The following DHX32 variants were observed in gnomAD, a reference collection of about 807,000 sequenced individuals.
DHX32 encodes DEAH-box helicase 32 (putative).
In DHX32, 51 loss-of-function variants were observed where a neutral mutation model predicts 70.0. The ratio of observed to expected loss-of-function variants is 0.73; its 90% CI spans 0.58 to 0.92. The LOEUF (loss-of-function observed/expected upper bound fraction) is 0.92, where lower values mean the gene tolerates loss of function less well. Among genes scored for constraint, DHX32 ranks in the 40% least tolerant of loss-of-function variants. The pLI is 0.00. For synonymous variants in DHX32, 310 were observed against 315.3 expected, an observed-to-expected ratio of 0.98 and a Z score of 0.18; for missense variants, 762 against 891.8, an observed-to-expected ratio of 0.85 and a Z score of 1.85.
chr10:125,859,045 GT>G (rs71029270), intron 3 of DHX32, among the ~76,000 whole-genome samples: 17,448 of 141,420 alleles, frequency 0.12, 1,230 homozygotes, highest in Admixed American at 0.26. Context: ...TTGTTTGTTT[GT>G]TTTTTTTTTT....
At chr10:125,855,115 A>C (rs1453623909) in intron 3 of DHX32, among the ~76,000 whole-genome samples, 1 of 151,688 alleles carries the variant, frequency 6.6e-6, no homozygotes, top group African/African-American at 2.4e-5. Context: ...CCAGCTACTC[A>C]CAAGGCTGAG....
intron 1 of DHX32, among the ~76,000 whole-genome samples, chr10:125,891,646 T>C: frequency 6.6e-6 from 1 of 152,428 alleles, no homozygotes; most frequent in East Asian, 1.9e-4. Context: ...AAGTAATGGG[T>C]AGTCATTTTA....
chr10:125,836,629 G>T lies in DHX32; in HGVS notation c.*58C>A. 1 of 1,579,638 alleles carries T rather than the reference G, an allele frequency of 6.3e-7. No homozygotes were observed. The highest frequency in any genetic ancestry group is 8.6e-7 in the Non-Finnish European group (1 of 1,159,706). On this transcript the variant is annotated 3_prime_UTR_variant, in exon 11 of 11. Transcript: ENST00000284690. ...TCGCGTCATGTATCTCCCATATCCA[G>T]CAGTTCAGCCATCCAGCTACCTTTG...
At chr10:125,842,569 A>G (rs1035099644) in intron 6 of DHX32, 3 of 152,382 alleles carry the variant, frequency 2.0e-5, no homozygotes, top group African/African-American at 7.2e-5. Context: ...ACCTGAAAGG[A>G]TCACACTGCA....
intron 1 of DHX32, among the ~76,000 whole-genome samples, chr10:125,871,478 A>G (rs957473970): frequency 6.6e-6 from 1 of 152,256 alleles, no homozygotes; most frequent in Non-Finnish European, 1.5e-5. Context: ...CTGACCACAT[A>G]GGATGCAGCT....
intron 1 of DHX32, among the ~76,000 whole-genome samples, chr10:125,893,001 C>T (rs974878535): frequency 3.9e-5 from 6 of 152,196 alleles, no homozygotes; most frequent in Admixed American, 1.3e-4. Flanking sequence ...AAAAGCAACA[C>T]AGAAGAAGCG....
rs913371928 is a variant in DHX32 at position 125,859,598 on chromosome 10, C to T, written c.849+5G>A. ...TACTGTAAGGTTAGAGTATCACTTACTTACTTGTTCACAGGCCAGAAAGAC... is the reference window on the plus strand; with the variant it reads ...TACTGTAAGGTTAGAGTATCACTTATTTACTTGTTCACAGGCCAGAAAGAC... On this transcript the variant is annotated splice_donor_5th_base_variant and intron_variant, in intron 3 of 10. Transcript: ENST00000284690. The T allele has an allele frequency of 6.4e-7, 1 of 1,561,724 alleles. No individual in the cohort carries two copies. Among genetic ancestry groups the T allele is most frequent in the Non-Finnish European group, 8.6e-7 (1 of 1,157,646 alleles).
chr10:125,841,182 T>C (rs1181304594), intron 7 of DHX32, 186 bp from the exon 8 acceptor site: 2 of 1,431,710 alleles, frequency 1.4e-6, no homozygotes, highest in East Asian at 4.8e-5. Context: ...ATTCTCCCTC[T>C]CCTTTTGTGT....
At chr10:125,853,717 C>A in intron 4 of DHX32, 1 of 450,510 alleles carries the variant, frequency 2.2e-6, no homozygotes. Flanking sequence ...TTGAGTCTTC[C>A]CTCAAAACTT....
chr10:125,891,858 C>T (rs1440596199), intron 1 of DHX32, among the ~76,000 whole-genome samples: 1 of 152,130 alleles, frequency 6.6e-6, no homozygotes, highest in Non-Finnish European at 1.5e-5. Flanking sequence ...TCAGCCCCTC[C>T]CCACAAGGTA....
intron 6 of DHX32, among the ~76,000 whole-genome samples, chr10:125,845,014 C>T (rs980331540): frequency 9.2e-5 from 14 of 152,182 alleles, no homozygotes; most frequent in Admixed American, 2.6e-4. Flanking sequence ...CAATATGTGC[C>T]TGCATTTTCC....
At chr10:125,878,492 GCTTT>G (rs1207772317) in intron 1 of DHX32, among the ~76,000 whole-genome samples, 3 of 152,034 alleles carry the variant, frequency 2.0e-5, no homozygotes, top group African/African-American at 7.2e-5. Flanking sequence ...AAATTTAAAT[GCTTT>G]CTTTGAGATC....
chr10:125,874,988 G>T (rs1944276073), intron 1 of DHX32, among the ~76,000 whole-genome samples: 1 of 152,132 alleles, frequency 6.6e-6, no homozygotes, highest in African/African-American at 2.4e-5. Flanking sequence ...GGAGGCCAAG[G>T]CAGGTAGGTT....
intron 8 of DHX32, among the ~76,000 whole-genome samples, 181 bp from the exon 9 acceptor site, chr10:125,839,369 A>G (rs1405941101): frequency 6.6e-6 from 1 of 152,248 alleles, no homozygotes; most frequent in East Asian, 1.9e-4. Flanking sequence ...GTCAGCTGTC[A>G]GGGCACTACC....
At chr10:125,894,568 C>A (rs1262646494) in intron 1 of DHX32, among the ~76,000 whole-genome samples, 1 of 152,406 alleles carries the variant, frequency 6.6e-6, no homozygotes, top group African/African-American at 2.4e-5. Flanking sequence ...ATAAAATAAT[C>A]ATTCTATATG....
chr10:125,860,601 T>A (rs1338760291), intron 2 of DHX32, among the ~76,000 whole-genome samples: 1 of 151,932 alleles, frequency 6.6e-6, no homozygotes, highest in Non-Finnish European at 1.5e-5. Flanking sequence ...TGGGGAGAGG[T>A]CATTAGTGAT....
chr10:125,873,864 T>C (rs1233232384), intron 1 of DHX32, among the ~76,000 whole-genome samples: 1 of 152,224 alleles, frequency 6.6e-6, no homozygotes, highest in East Asian at 1.9e-4. Flanking sequence ...TGAACAAGTT[T>C]ACTCAGTCAA....
intron 1 of DHX32, among the ~76,000 whole-genome samples, chr10:125,875,150 T>C (rs776208459): frequency 6.6e-6 from 1 of 152,166 alleles, no homozygotes. Flanking sequence ...GCCCAGGATG[T>C]TGAGGTTGCA....
Position 125,836,841 on chromosome 10 carries a change from A to T in DHX32, c.2078T>A (p.Val693Glu). The change falls in exon 11 of 11, where the codon GTA becomes GAA. Residue 693 changes from valine (V) to glutamate (E), a missense_variant. Transcript: ENST00000284690. Reference sequence around the variant, plus strand: ...CAGATTACTGAAATAGTATTGTGGTACCAGCTGCATAAATCTGTTTATTTA... The same window carrying T: ...CAGATTACTGAAATAGTATTGTGGTTCCAGCTGCATAAATCTGTTTATTTA... ...EISPELFMQL[V>E]PQYYFSNLPP... 1 of 1,614,104 alleles carries T rather than the reference A, an allele frequency of 6.2e-7. No homozygotes were observed. Among genetic ancestry groups the T allele is most frequent in the Non-Finnish European group, 8.5e-7 (1 of 1,179,982 alleles).
Sources: allele counts gnomAD v4.1 joint callset (sites outside exome capture counted in the v4.1 genomes callset), GRCh38; gene constraint gnomAD v4.1.1; transcripts MANE v1.5; gene names NCBI Gene and HGNC (gene_info 2026-07-23, HGNC 2026-07-21).